Variants in NXPE2 observed in about 807,000 individuals in gnomAD.
NXPE2 encodes NXPE family member 2.
NXPE2 carries 34 observed loss-of-function variants against 34.4 expected under a neutral mutation model. The ratio of observed to expected loss-of-function variants is 0.99; its 90% CI spans 0.75 to 1.31. The LOEUF is 1.31. Among genes scored for constraint, NXPE2 ranks in the 40% most tolerant of loss-of-function variants. The pLI is 0.00. For missense variants in NXPE2, 649 were observed against 672.5 expected (o/e 0.97, Z 0.39); for synonymous variants, 235 against 231.3 (o/e 1.02, Z -0.15).
At chr11:114,656,699 C>T in the NXPE2 span, among the ~76,000 whole-genome samples, 1 of 152,016 alleles carries the variant, frequency 6.6e-6, no homozygotes, top group Admixed American at 6.5e-5. Flanking sequence ...AATAGGCAAG[C>T]AGAGAGCCAA....
the NXPE2 span, among the ~76,000 whole-genome samples, chr11:114,504,122 T>C: frequency 1.3e-5 from 2 of 152,222 alleles, no homozygotes; most frequent in Non-Finnish European, 2.9e-5. Flanking sequence ...CATCACTTCA[T>C]TGATGTGTGT....
chr11:114,811,343 AAAT>A, the NXPE2 span, among the ~76,000 whole-genome samples: 348 of 43,484 alleles, frequency 8.0e-3, no homozygotes, highest in African/African-American at 0.021. Flanking sequence ...AATAATAATA[AAAT>A]AAAAAAAATG....
At chr11:114,588,287 A>G in the NXPE2 span, among the ~76,000 whole-genome samples, 1 of 152,150 alleles carries the variant, frequency 6.6e-6, no homozygotes, top group Non-Finnish European at 1.5e-5. Flanking sequence ...GAAATGCTCA[A>G]TGGAGGTGAT....
chr11:114,530,493 C>A, the NXPE2 span: 4 of 1,613,982 alleles, frequency 2.5e-6, no homozygotes, highest in Non-Finnish European at 3.4e-6. Context: ...CTGGCCCTCC[C>A]AGAACAGAGT....
At chr11:114,778,338 G>C in the NXPE2 span, among the ~76,000 whole-genome samples, 1 of 152,194 alleles carries the variant, frequency 6.6e-6, no homozygotes, top group Non-Finnish European at 1.5e-5. Context: ...GGTAGTCCTT[G>C]CTAAGGAATC....
chr11:114,540,215 C>T, the NXPE2 span, among the ~76,000 whole-genome samples: 6 of 152,146 alleles, frequency 3.9e-5, no homozygotes, highest in East Asian at 1.2e-3. Flanking sequence ...CCTCGGCCTC[C>T]CAAAGTGCTG....
the NXPE2 span, among the ~76,000 whole-genome samples, chr11:114,493,805 A>G: frequency 6.6e-6 from 1 of 152,140 alleles, no homozygotes; most frequent in African/African-American, 2.4e-5. Context: ...ATTAATGAAT[A>G]CCTTCACATG....
At chr11:114,563,646 A>G in the NXPE2 span, among the ~76,000 whole-genome samples, 7 of 152,202 alleles carry the variant, frequency 4.6e-5, no homozygotes, top group Non-Finnish European at 1.0e-4. Context: ...ACAGTCTATC[A>G]AAAAGTGGGC....
At chr11:114,773,288 C>CCCCCCCCCCCG in the NXPE2 span, among the ~76,000 whole-genome samples, 23 of 95,894 alleles carry the variant, frequency 2.4e-4, no homozygotes, top group East Asian at 4.3e-4. Flanking sequence ...CACCCCCCCC[C>CCCCCCCCCCCG]CACCCCATTC....
At chr11:114,657,853 C>A in the NXPE2 span, among the ~76,000 whole-genome samples, 5 of 152,252 alleles carry the variant, frequency 3.3e-5, no homozygotes, top group African/African-American at 1.2e-4. Context: ...ATTTTACAGA[C>A]TGAGCAAAAT....
At chr11:114,580,423 T>G in the NXPE2 span, 5 of 1,115,566 alleles carry the variant, frequency 4.5e-6, no homozygotes, top group Non-Finnish European at 6.7e-6. Context: ...CCTCTAAGTA[T>G]CCTAAGAGGG....
chr11:114,790,789 G>GA, the NXPE2 span, among the ~76,000 whole-genome samples: 1 of 151,576 alleles, frequency 6.6e-6, no homozygotes, highest in Non-Finnish European at 1.5e-5. Context: ...GTTGATTTAT[G>GA]AAAAAAGGAA....
the NXPE2 span, chr11:114,530,113 G>A: frequency 3.3e-6 from 5 of 1,493,060 alleles, no homozygotes; most frequent in Non-Finnish European, 4.5e-6. Flanking sequence ...AATGGGCAAT[G>A]TAGCTCTGAC....
At chr11:114,598,525 A>G in the NXPE2 span, among the ~76,000 whole-genome samples, 1 of 152,192 alleles carries the variant, frequency 6.6e-6, no homozygotes, top group Non-Finnish European at 1.5e-5. Context: ...AGGCTTTTCC[A>G]TACATCCTCT....
the NXPE2 span, among the ~76,000 whole-genome samples, chr11:114,809,241 T>A: frequency 6.6e-6 from 1 of 151,952 alleles, no homozygotes; most frequent in Non-Finnish European, 1.5e-5. Context: ...AATATCATAC[T>A]GAATGGGCAA....
the NXPE2 span, among the ~76,000 whole-genome samples, chr11:114,764,384 GA>G: frequency 5.3e-5 from 8 of 151,528 alleles, no homozygotes; most frequent in African/African-American, 1.9e-4. Flanking sequence ...TTCTCAGAGT[GA>G]ATTGACATGA....
chr11:114,469,049 C>T, the NXPE2 span, among the ~76,000 whole-genome samples: 1 of 149,746 alleles, frequency 6.7e-6, no homozygotes, highest in African/African-American at 2.5e-5. Context: ...ATAGTATAAC[C>T]CTGAAATATA....
At chr11:114,692,774 A>G (rs1055347093) in intron 2 of NXPE2, among the ~76,000 whole-genome samples, 3 of 152,102 alleles carry the variant, frequency 2.0e-5, no homozygotes, top group Admixed American at 6.6e-5. Context: ...ATTTATTCAA[A>G]ATATGACTAT....
At chr11:114,475,249 T>G in the NXPE2 span, among the ~76,000 whole-genome samples, 10 of 97,918 alleles carry the variant, frequency 1.0e-4, no homozygotes, top group East Asian at 4.9e-4. Context: ...TTTTTTTTTT[T>G]TTTTTTTTTT....
Sources: allele counts gnomAD v4.1 joint callset (sites outside exome capture counted in the v4.1 genomes callset), GRCh38; gene constraint gnomAD v4.1.1; transcripts MANE v1.5; gene names NCBI Gene and HGNC (gene_info 2026-07-23, HGNC 2026-07-21).